Variants in SLC38A6 observed in about 807,000 individuals in gnomAD.
SLC38A6 encodes the protein solute carrier family 38 member 6.
In SLC38A6, 73 loss-of-function variants were observed where a neutral mutation model predicts 65.0. The observed-to-expected ratio is 1.12, with a 90% CI of 0.93 to 1.37. The LOEUF (loss-of-function observed/expected upper bound fraction) is 1.37, where lower values mean the gene tolerates loss of function less well. Among genes scored for constraint, SLC38A6 ranks in the 40% most tolerant of loss-of-function variants. The pLI, the probability that SLC38A6 is intolerant of heterozygous loss-of-function variation, is 0.00. For missense variants in SLC38A6, 561 were observed against 531.1 expected (o/e 1.06, Z -0.55); for synonymous variants, 183 against 178.8 (o/e 1.02, Z -0.19).
chr14:61,037,762 G>C (rs927093764), intron 8 of SLC38A6, 79 bp downstream of exon 8: 11 of 934,802 alleles, frequency 1.2e-5, no homozygotes, highest in Middle Eastern at 2.4e-4. Context: ...ACTTTTAACT[G>C]TTTTGTGTTG....
chr14:61,051,136 A>G (rs1318279571), intron 13 of SLC38A6, among the ~76,000 whole-genome samples: 1 of 152,174 alleles, frequency 6.6e-6, no homozygotes, highest in Non-Finnish European at 1.5e-5. Context: ...TATACTTGAG[A>G]ATCTTAAGAA....
chr14:60,982,790 G>A, intron 2 of SLC38A6, 152 bp downstream of exon 2: 1 of 860,930 alleles, frequency 1.2e-6, no homozygotes, highest in Non-Finnish European at 1.7e-6. Context: ...TGTTGCTAGT[G>A]TGTACCTTGG....
rs769867021 is a variant in SLC38A6, at chr14:61,052,082, C to G, written c.1237C>G (p.Leu413Val). ...ATGTTTGATTTTTATATTCCCAGGA[C>G]TATTTTATCTTAAACTTAGCAGAGA... is the stretch of plus-strand genomic sequence containing the variant. The part of the protein sequence containing the change: ...STCLIFIFPG[L>V]FYLKLSREDF... The change falls in exon 15 of 16, where the codon CTA (leucine) becomes GTA (valine). Residue 413 changes from leucine to valine, a missense_variant. By Grantham distance (32) the Leu-to-Val change is conservative. Coordinates refer to ENST00000267488, the MANE Select transcript of SLC38A6 (RefSeq NM_153811.3). The G allele has an allele frequency of 6.3e-7, 1 of 1,583,832 alleles. No homozygotes were observed. The highest frequency in any genetic ancestry group is 2.0e-5 in the Admixed American group (1 of 50,414).
chr14:60,995,906 C>A (rs77656871), intron 3 of SLC38A6, among the ~76,000 whole-genome samples: 374 of 152,234 alleles, frequency 2.5e-3, no homozygotes, highest in African/African-American at 8.6e-3. Flanking sequence ...AGCACCCTCA[C>A]CTTTAGGACA....
chr14:61,052,383 G>T lies in SLC38A6; in HGVS notation c.1325G>T (p.Gly442Val). 6.3e-7 allele frequency: 1 copy of T among 1,588,320 alleles called. No individual in the cohort carries two copies. The highest frequency in any genetic ancestry group is 1.2e-5 in the South Asian group (1 of 84,694). ...TTGCTCATCTTTGGAATTTTGGTTG[G>T]GAATTTTAGTTTAGCACTCATCATT... is the stretch of plus-strand genomic sequence containing the variant. ...FVLLIFGILV[G>V]NFSLALIIFD... Residue 442 changes from glycine (G) to valine (V), a missense_variant, in exon 16 of 16, where the codon GGG becomes GTG. Transcript: ENST00000267488.
intron 5 of SLC38A6, among the ~76,000 whole-genome samples, chr14:61,023,527 C>A (rs1469251441): frequency 5.4e-5 from 8 of 149,072 alleles, no homozygotes; most frequent in African/African-American, 2.0e-4. Flanking sequence ...AAGCCAAGAT[C>A]TCGCCACTGA....
At chr14:61,013,376 C>G (rs1374179150) in intron 3 of SLC38A6, among the ~76,000 whole-genome samples, 1 of 152,040 alleles carries the variant, frequency 6.6e-6, no homozygotes, top group African/African-American at 2.4e-5. Context: ...AGTATTTAGC[C>G]CATATACATT....
In SLC38A6 at chr14:61,026,039, G is replaced by GT. The variant is rs577333843; in HGVS notation, c.404-4405dup. On this transcript the variant is annotated intron_variant, in intron 5 of 15. Coordinates refer to ENST00000267488, the MANE Select transcript of SLC38A6 (RefSeq NM_153811.3). Reference sequence around the variant, plus strand: ...ACCTAATTCTGTTTTAAAAATAGCTGTAAGTAATTCTGTCCTCATACATAT... The same window carrying GT: ...ACCTAATTCTGTTTTAAAAATAGCTGTTAAGTAATTCTGTCCTCATACATAT... 9.5e-4 allele frequency among the ~76,000 whole-genome samples: 145 copies of GT among 152,210 alleles called. 1 individual carries two copies. Among genetic ancestry groups the GT allele is most frequent in the Non-Finnish European group, 1.7e-3 (117 of 67,990 alleles).
At chr14:61,070,840 G>T (rs1279534152) in intron 15 of SLC38A6, among the ~76,000 whole-genome samples, 2 of 152,098 alleles carry the variant, frequency 1.3e-5, no homozygotes, top group African/African-American at 4.8e-5. Context: ...ATGTCTGGTC[G>T]TTTGTATGTC....
chr14:61,028,240 A>G (rs185370488), intron 5 of SLC38A6, among the ~76,000 whole-genome samples: 2 of 152,310 alleles, frequency 1.3e-5, no homozygotes, highest in Non-Finnish European at 2.9e-5. Context: ...AAAGAGATGA[A>G]TGTCTGAAAC....
At chr14:60,992,576 T>A (rs2037979984) in intron 3 of SLC38A6, among the ~76,000 whole-genome samples, 1 of 152,202 alleles carries the variant, frequency 6.6e-6, no homozygotes, top group Non-Finnish European at 1.5e-5. Flanking sequence ...TAAATAGTGC[T>A]GGGTAATCCT....
downstream of SLC38A6, among the ~76,000 whole-genome samples, chr14:61,054,243 T>C (rs1479836437): frequency 6.6e-6 from 1 of 152,178 alleles, no homozygotes; most frequent in East Asian, 1.9e-4. Flanking sequence ...GTGCCTGTTT[T>C]TATACCACTG....
chr14:61,044,020 T>C (rs955657257), intron 10 of SLC38A6, among the ~76,000 whole-genome samples: 2 of 152,086 alleles, frequency 1.3e-5, no homozygotes, highest in Non-Finnish European at 2.9e-5. Flanking sequence ...CCAAGTCCCT[T>C]TGCCTTCCCT....
rs1480154891 is a variant in SLC38A6, at chr14:61,061,906, C to T, written c.1290+9771C>T. ...AGGCTGGAGTGCAATGGTGTGATCT[C>T]GGCTCACTGTAGCCTCCATCTCCCA... is the stretch of plus-strand genomic sequence containing the variant. On this transcript the variant is annotated intron_variant, in intron 15 of 16. Coordinates refer to the SLC38A6 transcript ENST00000354886. Among the ~76,000 whole-genome samples the T allele has an allele frequency of 4.6e-5, 7 of 151,456 alleles. No homozygotes were observed. The East Asian group carries it at 1.2e-3, about 25-fold the overall frequency.
chr14:60,999,742 T>G (rs755481780), intron 3 of SLC38A6, among the ~76,000 whole-genome samples: 2 of 152,210 alleles, frequency 1.3e-5, no homozygotes, highest in Non-Finnish European at 2.9e-5. Flanking sequence ...ACATGACCTC[T>G]GAGGCAGAGA....
intron 3 of SLC38A6, among the ~76,000 whole-genome samples, chr14:60,988,566 G>A (rs1035285801): frequency 1.3e-5 from 2 of 152,044 alleles, no homozygotes; most frequent in Non-Finnish European, 1.5e-5. Context: ...CACTGATCTT[G>A]TCATTACCAA....
intron 2 of SLC38A6, among the ~76,000 whole-genome samples, chr14:60,983,148 C>T (rs1373354589): frequency 2.0e-5 from 3 of 152,144 alleles, no homozygotes; most frequent in African/African-American, 7.2e-5. Flanking sequence ...CCTGGATATT[C>T]TGTGCTTTCA....
intron 8 of SLC38A6, among the ~76,000 whole-genome samples, chr14:61,038,635 A>C (rs1404707799): frequency 6.6e-6 from 1 of 152,208 alleles, no homozygotes; most frequent in African/African-American, 2.4e-5. Context: ...AAAACAACCT[A>C]GGGTGCATTT....
intron 15 of SLC38A6, among the ~76,000 whole-genome samples, chr14:61,064,004 A>G (rs761667653): frequency 2.6e-5 from 4 of 152,228 alleles, no homozygotes; most frequent in Non-Finnish European, 4.4e-5. Context: ...CACTAAGGAC[A>G]TGGAAACATA....
Sources: gnomAD v4.1 joint callset for allele counts (sites outside exome capture counted in the v4.1 genomes callset) on GRCh38, gnomAD v4.1.1 for gene constraint, MANE v1.5 for transcripts, NCBI Gene and HGNC (gene_info 2026-07-23, HGNC 2026-07-21) for gene names.